The following GAGE13 variants were observed in gnomAD, a reference collection of about 807,000 sequenced individuals.
GAGE13 encodes G antigen 13.
chrX:49,337,657 T>C (rs1557127582), intron 4 of GAGE13, among the ~76,000 whole-genome samples: 1 of 62,814 alleles, frequency 1.6e-5, no homozygotes, highest in African/African-American at 4.7e-5. Context: ...TTCTTTTATT[T>C]ATTTATTTAT....
intron 3 of GAGE13, among the ~76,000 whole-genome samples, chrX:49,335,545 C>T (rs2066482771): frequency 1.0e-5 from 1 of 97,563 alleles, no homozygotes; most frequent in Non-Finnish European, 2.2e-5. Flanking sequence ...ACTACAGGCG[C>T]CGGCCACTGC....
intron 1 of GAGE13, among the ~76,000 whole-genome samples, chrX:49,332,165 G>C (rs2066466281): frequency 1.2e-5 from 1 of 80,909 alleles, no homozygotes; most frequent in African/African-American, 3.4e-5. Flanking sequence ...AAAACAGTGG[G>C]AAGGAGTGGG....
intron 3 of GAGE13, among the ~76,000 whole-genome samples, chrX:49,335,270 A>C (rs1244285967): frequency 1.9e-5 from 2 of 104,595 alleles, no homozygotes; most frequent in Non-Finnish European, 4.0e-5. Context: ...CAGAACAAAG[A>C]GAAAGTCATT....
intron 2 of GAGE13, 141 bp from the exon 3 acceptor site, chrX:49,333,146 T>TGGGCATA (rs2066472491): frequency 8.8e-7 from 1 of 1,138,572 alleles, no homozygotes; most frequent in Non-Finnish European, 1.2e-6. Context: ...GTAACCTTAT[T>TGGGCATA]GGGCATAGAG....
intron 4 of GAGE13, among the ~76,000 whole-genome samples, chrX:49,337,717 G>A (rs1310683783): frequency 3.3e-5 from 2 of 60,224 alleles, no homozygotes; most frequent in Admixed American, 1.6e-4. Flanking sequence ...ACATGTGCAC[G>A]TTGTGCAGGT....
intron 4 of GAGE13, among the ~76,000 whole-genome samples, chrX:49,337,716 C>T (rs1356277664): frequency 8.3e-5 from 5 of 60,535 alleles, no homozygotes; most frequent in East Asian, 4.0e-4. Flanking sequence ...TACATGTGCA[C>T]GTTGTGCAGG....
rs2066463505 is a variant in GAGE13, at chrX:49,331,641, G to A, written c.-57G>A. ...CGCCAGGGAGCTGTGAGGCAGTGCT[G>A]TGTGGTTCCTGCCGTCCGGACTCTT... On this transcript the variant is annotated 5_prime_UTR_variant, in exon 1 of 5. The change creates a new upstream start codon in the 5' untranslated region. Coordinates refer to ENST00000612958, the MANE Select transcript of GAGE13 (RefSeq NM_001098412.4). 1 of 62,732 alleles carries A rather than the reference G, an allele frequency of 1.6e-5. No individual in the cohort carries two copies. The highest frequency in any genetic ancestry group is 4.5e-5 in the Non-Finnish European group (1 of 22,398). The allele number at this position is 62,732 out of a possible 1,213,427, so 5.2% of individuals were successfully genotyped here. A position where few individuals can be genotyped will look rare whatever the true frequency, so the allele number is the denominator to read the frequency against.
intron 3 of GAGE13, among the ~76,000 whole-genome samples, chrX:49,335,441 C>T (rs1312200788): frequency 9.0e-6 from 1 of 110,823 alleles, no homozygotes; most frequent in Non-Finnish European, 1.9e-5. Context: ...CTCTGTGGGC[C>T]AGGTTGGAGT....
chrX:49,335,423 G>T (rs1175690754), intron 3 of GAGE13, among the ~76,000 whole-genome samples: 22 of 111,451 alleles, frequency 2.0e-4, no homozygotes, highest in African/African-American at 6.7e-4. Flanking sequence ...TGTTGAGACG[G>T]AGTCTCTCTC....
intron 3 of GAGE13, among the ~76,000 whole-genome samples, chrX:49,335,099 A>C (rs2066479827): frequency 1.1e-5 from 1 of 89,881 alleles, no homozygotes; most frequent in African/African-American, 3.8e-5. Flanking sequence ...TCAGTTTCAC[A>C]TCTCTTCCCT....
At chrX:49,335,161 ATAC>A (rs2066480343) in intron 3 of GAGE13, among the ~76,000 whole-genome samples, 3 of 100,531 alleles carry the variant, frequency 3.0e-5, no homozygotes, top group Non-Finnish European at 6.1e-5. Context: ...ACACACATAC[ATAC>A]GGATATATGT....
intron 1 of GAGE13, among the ~76,000 whole-genome samples, chrX:49,331,918 C>G (rs2066464785): frequency 1.2e-5 from 1 of 80,219 alleles, no homozygotes; most frequent in East Asian, 3.5e-4. Flanking sequence ...GTCAGGGGCT[C>G]AGGTGAAGAC....
intron 3 of GAGE13, among the ~76,000 whole-genome samples, chrX:49,335,201 C>A (rs1453979459): frequency 9.3e-6 from 1 of 107,556 alleles, no homozygotes; most frequent in Non-Finnish European, 1.9e-5. Context: ...TGAATTGTCT[C>A]GATAAAGTTT....
chrX:49,331,940 T>C (rs2066464918), intron 1 of GAGE13, among the ~76,000 whole-genome samples: 1 of 80,396 alleles, frequency 1.2e-5, no homozygotes, highest in African/African-American at 3.4e-5. Flanking sequence ...GGGTGAGTGC[T>C]GTTGGGGGGA....
rs1301132954 is a variant in GAGE13 at position 49,335,120 on chromosome X, C to A, written c.206-1127C>A. 3.2e-4 allele frequency among the ~76,000 whole-genome samples: 15 copies of A among 46,824 alleles called. No homozygotes were observed. The East Asian group carries it at 8.6e-3, about 27-fold the overall frequency. 40.7% of individuals were successfully genotyped at this position (46,824 alleles called of 115,157 possible). A position where few individuals can be genotyped will look rare whatever the true frequency, so the allele number is the denominator to read the frequency against. ...TCACATCTCTTCCCTCCGTCTCTTACCGTGCTGCCCACACACTCACACACA... is the reference window on the plus strand; with the variant it reads ...TCACATCTCTTCCCTCCGTCTCTTAACGTGCTGCCCACACACTCACACACA... On this transcript the variant is annotated intron_variant, in intron 3 of 4. Transcript: ENST00000612958.
chrX:49,335,223 G>T (rs1205995260), intron 3 of GAGE13, among the ~76,000 whole-genome samples: 3 of 106,744 alleles, frequency 2.8e-5, no homozygotes, highest in Non-Finnish European at 5.9e-5. Context: ...AGGTATTATG[G>T]TCCTTTACCC....
intron 4 of GAGE13, among the ~76,000 whole-genome samples, chrX:49,337,678 AT>A (rs2066488743): frequency 5.1e-4 from 32 of 62,428 alleles, no homozygotes; most frequent in Middle Eastern, 9.6e-3. Flanking sequence ...TTATTTATTT[AT>A]TTATTGTTAT....
intron 4 of GAGE13, among the ~76,000 whole-genome samples, chrX:49,338,237 C>G (rs2066491427): frequency 1.0e-5 from 1 of 97,077 alleles, no homozygotes; most frequent in African/African-American, 3.4e-5. Context: ...TAAATCTTTC[C>G]CCACGGAAAC....
intron 3 of GAGE13, among the ~76,000 whole-genome samples, chrX:49,335,721 GT>G (rs2066483545): frequency 1.5e-5 from 1 of 68,833 alleles, no homozygotes; most frequent in African/African-American, 4.1e-5. Context: ...CTTTTCAGGT[GT>G]TTTTAGTTTC....
Sources: gnomAD v4.1 joint callset for allele counts (sites outside exome capture counted in the v4.1 genomes callset) on GRCh38, gnomAD v4.1.1 for gene constraint, MANE v1.5 for transcripts, NCBI Gene and HGNC (gene_info 2026-07-23, HGNC 2026-07-21) for gene names.